Variants in WDR6 observed in about 807,000 individuals in gnomAD.
WDR6 encodes the protein tRNA (34-2'-O)-methyltransferase regulator WDR6.
Under a neutral mutation model 85.6 loss-of-function variants are expected in WDR6, and 58 were observed. The observed-to-expected ratio is 0.68, with a 90% CI of 0.55 to 0.84. The LOEUF (loss-of-function observed/expected upper bound fraction) is 0.84. WDR6 is among the 40% of genes least tolerant of loss of function. The pLI, the probability that WDR6 is intolerant of heterozygous loss-of-function variation, is 0.00. For synonymous variants in WDR6, 569 were observed against 582.2 expected, an observed-to-expected ratio of 0.98 and a Z score of 0.33; for missense variants, 1,310 against 1,476.4, an observed-to-expected ratio of 0.89 and a Z score of 1.85.
Position 49,013,497 on chromosome 3 carries a change from G to A in WDR6, c.1963G>A (p.Gly655Arg), listed in dbSNP as rs1298584690. 2 of 1,613,978 alleles carry A rather than the reference G, an allele frequency of 1.2e-6. No individual in the cohort carries two copies. The highest frequency in any genetic ancestry group is 8.5e-7 in the Non-Finnish European group (1 of 1,180,022). Residue 655 changes from glycine (G) to arginine (R), a missense_variant, in exon 2 of 6, where the codon GGA becomes AGA. By Grantham distance (125) the Gly-to-Arg change is moderately radical. Transcript: ENST00000608424. The surrounding 1 kb of genome is among the most constrained non-coding windows in gnomAD (Gnocchi z 4.6). ...GAAGCTGCACATCGTCAACTGTGGT[G>A]GAGGGCACCGTTCGTGGGCATTCTC... Reference protein sequence around the residue: ...HEKLHIVNCGGGHRSWAFSDT... With the variant: ...HEKLHIVNCGRGHRSWAFSDT...
Position 49,012,743 on chromosome 3 carries a change from G to A in WDR6, c.1209G>A (p.Glu403=), listed in dbSNP as rs2093024515. Residue 403 remains glutamate (E), a synonymous_variant, in exon 2 of 6, where the codon GAG becomes GAA. Coordinates refer to ENST00000608424, the MANE Select transcript of WDR6 (RefSeq NM_018031.6). This position sits in a 1 kb window ranked among gnomAD's most constrained non-coding sequence, Gnocchi z 4.4. ...TGCTGGAGGCAGCTCCTGGTCCCGAGGGCTTCGGATTGTGTGCTATGGCCA... is the reference window on the plus strand; with the variant it reads ...TGCTGGAGGCAGCTCCTGGTCCCGAAGGCTTCGGATTGTGTGCTATGGCCA... ...YCLLEAAPGP[E]GFGLCAMANG... 1.2e-6 allele frequency: 2 copies of A among 1,613,870 alleles called. No homozygotes were observed. The highest frequency in any genetic ancestry group is 2.2e-5 in the South Asian group (2 of 91,088).
chr3:49,010,202 C>T (rs920346631), intron 1 of WDR6, among the ~76,000 whole-genome samples: 2 of 150,298 alleles, frequency 1.3e-5, no homozygotes, highest in South Asian at 2.1e-4. Context: ...GTCAGGAGAT[C>T]GAGACCATCC....
Position 49,012,529 on chromosome 3 carries a change from A to G in WDR6, c.995A>G (p.Tyr332Cys). The stretch of plus-strand genomic sequence containing the variant: ...CTGTGGCACTTGGTAGGGCGTGGGT[A>G]CCGGGGATTGGGGGTCTCGGCTCTC... The part of the protein sequence containing the change: ...IRLWHLVGRG[Y>C]RGLGVSALCF... Residue 332 changes from tyrosine to cysteine, a missense_variant, in exon 2 of 6, where the codon TAC becomes TGC. Physicochemically the swap from Tyr to Cys is radical, Grantham distance 194. Coordinates refer to ENST00000608424, the MANE Select transcript of WDR6 (RefSeq NM_018031.6). The surrounding 1 kb of genome is among the most constrained non-coding windows in gnomAD (Gnocchi z 4.4). The G allele has an allele frequency of 6.2e-7, 1 of 1,613,942 alleles. No homozygotes were observed. Among genetic ancestry groups the G allele is most frequent in the Non-Finnish European group, 8.5e-7 (1 of 1,179,996 alleles).
Position 49,007,409 on chromosome 3 carries a change from G to C in WDR6, c.-23G>C. 6.2e-7 allele frequency: 1 copy of C among 1,603,150 alleles called. No homozygotes were observed. The highest frequency in any genetic ancestry group is 1.1e-5 in the South Asian group (1 of 89,160). Reference sequence around the variant, plus strand: ...TTCAGCTCCCTTCTTAGCCGTGGCTGCCTCAGCACCTCGAGGATCGACATG... The same window carrying C: ...TTCAGCTCCCTTCTTAGCCGTGGCTCCCTCAGCACCTCGAGGATCGACATG... On this transcript the variant is annotated 5_prime_UTR_variant, in exon 1 of 6. Transcript: ENST00000608424. The surrounding 1 kb of genome is among the most constrained non-coding windows in gnomAD (Gnocchi z 5.1).
chr3:49,011,551 G>A (rs919341913), intron 1 of WDR6, 84 bp from the exon 2 acceptor site: 2 of 1,612,260 alleles, frequency 1.2e-6, no homozygotes, highest in African/African-American at 1.3e-5. Flanking sequence ...TACATGCCGA[G>A]AAGTTTCCCT....
At position 49,015,614 on chromosome 3, in the gene WDR6, C is replaced by G. The variant is rs1227816387; in HGVS notation, c.*326C>G. The G allele has an allele frequency of 1.2e-6, 2 of 1,613,950 alleles. No homozygotes were observed. The highest frequency in any genetic ancestry group is 1.7e-5 in the Admixed American group (1 of 59,972). On this transcript the variant is annotated 3_prime_UTR_variant, in exon 6 of 6. Coordinates refer to ENST00000608424, the MANE Select transcript of WDR6 (RefSeq NM_018031.6). Reference sequence around the variant, plus strand: ...TAAATGTGGCTCAGTGGAGGGAGACCCAGCATAGCCAGGCCAGTATGGAGC... The same window carrying G: ...TAAATGTGGCTCAGTGGAGGGAGACGCAGCATAGCCAGGCCAGTATGGAGC...
intron 1 of WDR6, among the ~76,000 whole-genome samples, chr3:49,010,164 T>G (rs1399148649): frequency 6.6e-6 from 1 of 152,056 alleles, no homozygotes; most frequent in Non-Finnish European, 1.5e-5. Context: ...CCCAGCACTT[T>G]GGGAGGCCGA....
chr3:49,014,166 C>T lies in WDR6; in HGVS notation c.2583-44C>T. On this transcript the variant is annotated intron_variant, in intron 2 of 5. Coordinates refer to ENST00000608424, the MANE Select transcript of WDR6 (RefSeq NM_018031.6). This position sits in a 1 kb window ranked among gnomAD's most constrained non-coding sequence, Gnocchi z 4.9. The stretch of plus-strand genomic sequence containing the variant: ...GTGGTATGGGTCATGCAGATGCTCC[C>T]AGGCTTGCAGGCTCCACCTGACAGC... 2 of 1,614,132 alleles carry T rather than the reference C, an allele frequency of 1.2e-6. No homozygotes were observed. Among genetic ancestry groups the T allele is most frequent in the African/African-American group, 2.7e-5 (2 of 75,038 alleles).
In WDR6 at chr3:49,013,573, TGCTGTACAGGGCTCTGGGTG is replaced by T; in HGVS notation, c.2044_2063del (p.Tyr682HisfsTer15). On this transcript the variant is annotated frameshift_variant, in exon 2 of 6. Transcript: ENST00000608424. LOFTEE classifies it high-confidence loss of function. This position sits in a 1 kb window ranked among gnomAD's most constrained non-coding sequence, Gnocchi z 4.6. ...GCTTACCTCAAGGATGGGGATGTCATGCTGTACAGGGCTCTGGGTGGCTGCACCCGGCCACACGTGATTCT... is the reference window on the plus strand; with the variant it reads ...GCTTACCTCAAGGATGGGGATGTCATGCTGCACCCGGCCACACGTGATTCT... 6.2e-7 allele frequency: 1 copy of T among 1,614,060 alleles called. No individual in the cohort carries two copies. The highest frequency in any genetic ancestry group is 8.5e-7 in the Non-Finnish European group (1 of 1,180,006).
rs755006333 is a variant in WDR6 at position 49,012,273 on chromosome 3, C to A, written c.739C>A (p.Arg247=). ...GGGCGACCTGCGAGTGCCTGGGGGT[C>A]GGGTGCAGAATATTGGGCACTGCTT... ...KVGDLRVPGG[R]VQNIGHCFGH... The change falls in exon 2 of 6, where the codon CGG becomes AGG. Residue 247 remains arginine (R), a synonymous_variant. Coordinates refer to ENST00000608424, the MANE Select transcript of WDR6 (RefSeq NM_018031.6). The surrounding 1 kb of genome is among the most constrained non-coding windows in gnomAD (Gnocchi z 4.4). The A allele has an allele frequency of 2.5e-6, 4 of 1,614,210 alleles. No individual in the cohort carries two copies. Among genetic ancestry groups the A allele is most frequent in the Non-Finnish European group, 3.4e-6 (4 of 1,180,048 alleles).
In WDR6 at chr3:49,011,717, C is replaced by G; in HGVS notation, c.183C>G (p.Gly61=). The G allele has an allele frequency of 6.2e-7, 1 of 1,614,184 alleles. No individual in the cohort carries two copies. Among genetic ancestry groups the G allele is most frequent in the South Asian group, 1.1e-5 (1 of 91,084 alleles). The part of the protein sequence containing the change: ...RMIKRVQNLL[G]HYLIHGFRVR... Reference sequence around the variant, plus strand: ...TAAAGCGAGTGCAGAACCTGCTTGGCCACTATCTTATCCATGGCTTCCGGG... The same window carrying G: ...TAAAGCGAGTGCAGAACCTGCTTGGGCACTATCTTATCCATGGCTTCCGGG... The change falls in exon 2 of 6, where the codon GGC becomes GGG. Residue 61 remains glycine, a synonymous_variant. Coordinates refer to ENST00000608424, the MANE Select transcript of WDR6 (RefSeq NM_018031.6).
chr3:49,007,775 A>T lies in WDR6; in HGVS notation c.100+244A>T. 9.0e-7 allele frequency: 1 copy of T among 1,114,230 alleles called. No individual in the cohort carries two copies. The highest frequency in any genetic ancestry group is 1.2e-6 in the Non-Finnish European group (1 of 864,716). The allele number at this position is 1,114,230 out of a possible 1,614,324, so 69.0% of individuals were successfully genotyped here. A position where few individuals can be genotyped will look rare whatever the true frequency, so the allele number is the denominator to read the frequency against. ...CTTCATAAACTTCAGCCCGCGTGGA[A>T]AGGGCGGGTGGAACCGCGGGAGGGT... is the stretch of plus-strand genomic sequence containing the variant. On this transcript the variant is annotated intron_variant, in intron 1 of 5. Coordinates refer to ENST00000608424, the MANE Select transcript of WDR6 (RefSeq NM_018031.6). The surrounding 1 kb of genome is among the most constrained non-coding windows in gnomAD (Gnocchi z 5.1).
chr3:49,015,762 A>ATACC lies in WDR6; in HGVS notation c.*476_*479dup. ...CCTCTGCTTCCTTTGCCTTTACCCT[A>ATACC]TACCTCTCTGCACGTCCCACCCCAT... On this transcript the variant is annotated 3_prime_UTR_variant, in exon 6 of 6. Transcript: ENST00000608424. The ATACC allele has an allele frequency of 5.0e-6, 8 of 1,614,018 alleles. No individual in the cohort carries two copies. Among genetic ancestry groups the ATACC allele is most frequent in the Non-Finnish European group, 6.8e-6 (8 of 1,179,984 alleles).
At position 49,013,862 on chromosome 3, in the gene WDR6, G is replaced by T. The variant is rs200630681; in HGVS notation, c.2328G>T (p.Ser776=). ...CAGCTGTTTGTAACCATATCTCCTC[G>T]GTACGTGCTGTGGCTGTGTGGGGCA... The part of the protein sequence containing the change: ...ALTAVCNHIS[S]VRAVAVWGIG... Residue 776 remains serine, a synonymous_variant, in exon 2 of 6, where the codon TCG becomes TCT. Coordinates refer to ENST00000608424, the MANE Select transcript of WDR6 (RefSeq NM_018031.6). The surrounding 1 kb of genome is among the most constrained non-coding windows in gnomAD (Gnocchi z 4.6). 1.9e-6 allele frequency: 3 copies of T among 1,613,996 alleles called. No individual in the cohort carries two copies. Among genetic ancestry groups the T allele is most frequent in the Non-Finnish European group, 2.5e-6 (3 of 1,180,012 alleles).
chr3:49,014,261 T>C lies in WDR6; in HGVS notation c.2634T>C (p.Leu878=). 6.2e-7 allele frequency: 1 copy of C among 1,614,142 alleles called. No individual in the cohort carries two copies. The highest frequency in any genetic ancestry group is 8.5e-7 in the Non-Finnish European group (1 of 1,180,022). Residue 878 remains leucine, a synonymous_variant, in exon 3 of 6, where the codon CTT becomes CTC. Transcript: ENST00000608424. This position sits in a 1 kb window ranked among gnomAD's most constrained non-coding sequence, Gnocchi z 4.9. ...TTGACCAGCCCGGCCTTGGCCCCCTTGTGGCTGCAGCCTGTAGTGATGGGG... is the reference window on the plus strand; with the variant it reads ...TTGACCAGCCCGGCCTTGGCCCCCTCGTGGCTGCAGCCTGTAGTGATGGGG... ...CELDQPGLGP[L]VAAACSDGAV...
Position 49,007,848 on chromosome 3 carries a change from G to A in WDR6, c.100+317G>A, listed in dbSNP as rs892433051. 6.6e-6 allele frequency among the ~76,000 whole-genome samples: 1 copy of A among 151,870 alleles called. No homozygotes were observed. The highest frequency in any genetic ancestry group is 1.5e-5 in the Non-Finnish European group (1 of 67,906). On this transcript the variant is annotated intron_variant, in intron 1 of 5. Coordinates refer to ENST00000608424, the MANE Select transcript of WDR6 (RefSeq NM_018031.6). The surrounding 1 kb of genome is among the most constrained non-coding windows in gnomAD (Gnocchi z 5.1). ...AGGCGGAGGCGGAGGCCCGGGAGCTGAGGGTTGAGGGGGTGTGCTCCCTTC... is the reference window on the plus strand; with the variant it reads ...AGGCGGAGGCGGAGGCCCGGGAGCTAAGGGTTGAGGGGGTGTGCTCCCTTC...
chr3:49,009,299 C>T (rs925278775), intron 1 of WDR6, among the ~76,000 whole-genome samples: 2 of 113,030 alleles, frequency 1.8e-5, no homozygotes, highest in Admixed American at 1.8e-4. Flanking sequence ...GCAAACCCTC[C>T]CATTGCTCCC....
rs2093049718 is a variant in WDR6, at chr3:49,015,434, AG to A, written c.*148del. On this transcript the variant is annotated 3_prime_UTR_variant, in exon 6 of 6. Transcript: ENST00000608424. ...TTCCTGATGTCGGTGCAGGAGCTGA[AG>A]GTGAGTGGAGTGCTGCCAAGAATAT... is the stretch of plus-strand genomic sequence containing the variant. The A allele has an allele frequency of 7.1e-7, 1 of 1,400,672 alleles. No homozygotes were observed. Among genetic ancestry groups the A allele is most frequent in the East Asian group, 2.3e-5 (1 of 43,494 alleles). The allele number at this position is 1,400,672 out of a possible 1,614,324, so 86.8% of individuals were successfully genotyped here.
chr3:49,011,390 T>G, intron 1 of WDR6: 83 of 1,384,344 alleles, frequency 6.0e-5, no homozygotes, highest in East Asian at 1.7e-4. Flanking sequence ...AGACCAAGGA[T>G]TTTCTTTTTT....
Sources: allele counts gnomAD v4.1 joint callset (sites outside exome capture counted in the v4.1 genomes callset), GRCh38; gene constraint gnomAD v4.1.1; non-coding constraint Gnocchi (gnomAD v3.1); transcripts MANE v1.5; gene names NCBI Gene and HGNC (gene_info 2026-07-23, HGNC 2026-07-21).